Variants in NKAIN2 observed in about 807,000 individuals in gnomAD.
NKAIN2 encodes sodium/potassium transporting ATPase interacting 2, also known as sodium/potassium-transporting ATPase subunit beta-1-interacting protein 2.
NKAIN2 carries 14 observed loss-of-function variants against 32.6 expected under a neutral mutation model. That is an observed-to-expected ratio of 0.43 (90% CI 0.28 to 0.67). The LOEUF (loss-of-function observed/expected upper bound fraction) is 0.67, where lower values mean the gene tolerates loss of function less well. NKAIN2 is among the 30% of genes least tolerant of loss of function. The probability of loss-of-function intolerance (pLI) is 0.17; values close to 1 mark genes in which losing one functional copy is unlikely to be tolerated. For missense variants in NKAIN2, 198 were observed against 258.3 expected (o/e 0.77, Z 1.60); for synonymous variants, 80 against 87.2 (o/e 0.92, Z 0.46).
intron 3 of NKAIN2, among the ~76,000 whole-genome samples, chr6:124,631,765 TCTTTCTTCACCAGA>T (rs1783578890): frequency 2.0e-5 from 3 of 152,150 alleles, no homozygotes; most frequent in African/African-American, 7.2e-5. Context: ...CCCACTTATT[TCTTTCTTCACCAGA>T]CAGTCCAACA....
At chr6:123,969,580 C>G (rs9482492) in intron 1 of NKAIN2, among the ~76,000 whole-genome samples, 47,589 of 151,892 alleles carry the variant, frequency 0.31, 7,764 homozygotes, top group East Asian at 0.6. Flanking sequence ...TTTCAAGATG[C>G]CTGCCAGAGC....
At chr6:124,586,375 A>G (rs1017952364) in intron 3 of NKAIN2, among the ~76,000 whole-genome samples, 1 of 152,178 alleles carries the variant, frequency 6.6e-6, no homozygotes, top group African/African-American at 2.4e-5. Flanking sequence ...GCTCTTACTT[A>G]TAACTGAGAG....
intron 1 of NKAIN2, among the ~76,000 whole-genome samples, chr6:123,885,449 A>G (rs138065208): frequency 1.3e-5 from 2 of 152,260 alleles, no homozygotes; most frequent in African/African-American, 4.8e-5. Flanking sequence ...ATGTTTAGGT[A>G]GGAATTTTTG....
intron 2 of NKAIN2, among the ~76,000 whole-genome samples, chr6:124,323,788 T>C (rs556505046): frequency 2.7e-5 from 4 of 146,612 alleles, no homozygotes; most frequent in African/African-American, 5.1e-5. Context: ...TTTTTTCTTT[T>C]TTTTTTTTTT....
intron 1 of NKAIN2, among the ~76,000 whole-genome samples, chr6:124,125,194 G>A (rs1582691950): frequency 6.6e-6 from 1 of 151,972 alleles, no homozygotes. Flanking sequence ...ATTTTATGAG[G>A]ATTTTACAAT....
At chr6:124,005,181 C>A (rs1183968376) in intron 1 of NKAIN2, among the ~76,000 whole-genome samples, 1 of 152,030 alleles carries the variant, frequency 6.6e-6, no homozygotes, top group African/African-American at 2.4e-5. Context: ...GCCGAGATCT[C>A]GCCATTGTAC....
chr6:124,147,054 C>T (rs767852061), intron 1 of NKAIN2, among the ~76,000 whole-genome samples: 52 of 152,068 alleles, frequency 3.4e-4, no homozygotes, highest in Non-Finnish European at 7.5e-4. Flanking sequence ...TGAAAAGTAA[C>T]ATTGTCATCC....
chr6:124,730,512 G>T (rs1776608736), intron 4 of NKAIN2, among the ~76,000 whole-genome samples: 2 of 123,792 alleles, frequency 1.6e-5, no homozygotes, highest in Admixed American at 1.7e-4. Context: ...GCCATATGGA[G>T]AAAGCTGAAA....
intron 5 of NKAIN2, chr6:124,794,968 T>TA (rs1250245324): frequency 9.5e-5 from 26 of 274,304 alleles, no homozygotes; most frequent in Non-Finnish European, 1.4e-4. Context: ...AAGGTTAAAA[T>TA]AAAACCACTC....
chr6:124,783,104 G>T (rs893416231), intron 4 of NKAIN2, among the ~76,000 whole-genome samples: 1 of 152,100 alleles, frequency 6.6e-6, no homozygotes, highest in Admixed American at 6.6e-5. Flanking sequence ...TTTTAAAAAC[G>T]AATCTGATAT....
At chr6:123,969,484 G>A (rs887291352) in intron 1 of NKAIN2, among the ~76,000 whole-genome samples, 1 of 152,280 alleles carries the variant, frequency 6.6e-6, no homozygotes, top group Admixed American at 6.5e-5. Context: ...CATTTATGTA[G>A]ACCTAAATGA....
intron 1 of NKAIN2, among the ~76,000 whole-genome samples, chr6:124,243,090 G>GTTTTACT (rs1482604330): frequency 2.6e-5 from 4 of 151,122 alleles, no homozygotes; most frequent in African/African-American, 9.7e-5. Context: ...GTGAGTAAAA[G>GTTTTACT]CACAGATTTG....
At chr6:124,263,819 T>G (rs1794362060) in intron 1 of NKAIN2, among the ~76,000 whole-genome samples, 1 of 132,626 alleles carries the variant, frequency 7.5e-6, no homozygotes, top group African/African-American at 3.3e-5. Context: ...ACACTGTTAC[T>G]CAGATATGCA....
At chr6:124,356,490 T>G (rs2115150696) in intron 3 of NKAIN2, among the ~76,000 whole-genome samples, 1 of 152,248 alleles carries the variant, frequency 6.6e-6, no homozygotes, top group East Asian at 1.9e-4. Flanking sequence ...AACCAAAACT[T>G]CTTGGATGTG....
intron 3 of NKAIN2, among the ~76,000 whole-genome samples, chr6:124,656,304 G>A (rs996703657): frequency 1.3e-5 from 2 of 152,072 alleles, no homozygotes; most frequent in African/African-American, 2.4e-5. Context: ...AGAAATTAAT[G>A]TCTGACATTA....
intron 1 of NKAIN2, among the ~76,000 whole-genome samples, chr6:123,809,094 A>G (rs919896650): frequency 1.3e-5 from 2 of 152,198 alleles, no homozygotes; most frequent in African/African-American, 2.4e-5. Flanking sequence ...ACAGTGCAGT[A>G]TACTTTTTTC....
At chr6:124,063,140 A>G (rs1039318802) in intron 1 of NKAIN2, among the ~76,000 whole-genome samples, 20 of 151,948 alleles carry the variant, frequency 1.3e-4, no homozygotes, top group African/African-American at 4.8e-4. Context: ...AGCCGAGATC[A>G]TGCCACTGCA....
At chr6:124,487,608 A>T (rs896096561) in intron 3 of NKAIN2, among the ~76,000 whole-genome samples, 1 of 152,144 alleles carries the variant, frequency 6.6e-6, no homozygotes, top group African/African-American at 2.4e-5. Flanking sequence ...ATTGTTAGTA[A>T]CTTTTTATAA....
intron 1 of NKAIN2, among the ~76,000 whole-genome samples, chr6:123,915,661 G>A (rs148563097): frequency 9.9e-5 from 15 of 152,210 alleles, no homozygotes; most frequent in African/African-American, 3.4e-4. Context: ...GGTTTTGATT[G>A]GGAAATACTT....
Sources: allele counts gnomAD v4.1 joint callset (sites outside exome capture counted in the v4.1 genomes callset), GRCh38; gene constraint gnomAD v4.1.1; transcripts MANE v1.5; gene names NCBI Gene and HGNC (gene_info 2026-07-23, HGNC 2026-07-21).